Variants in DMGDH observed in about 807,000 individuals in gnomAD.
DMGDH encodes dimethylglycine dehydrogenase, mitochondrial.
Under a neutral mutation model 95.2 loss-of-function variants are expected in DMGDH, and 76 were observed. The observed-to-expected ratio is 0.80, with a 90% CI of 0.66 to 0.97. DMGDH has a LOEUF of 0.97. Ranked by LOEUF, DMGDH falls within the 50% of genes least tolerant of loss-of-function variation. DMGDH has a pLI of 0.00. For synonymous variants in DMGDH, 345 were observed against 377.6 expected (o/e 0.91, Z 1.00); for missense variants, 987 against 1,055.0 (o/e 0.94, Z 0.89).
At chr5:79,034,258 C>G (rs1561218107) in intron 7 of DMGDH, among the ~76,000 whole-genome samples, 1 of 152,124 alleles carries the variant, frequency 6.6e-6, no homozygotes, top group African/African-American at 2.4e-5. Context: ...AACATTCAGG[C>G]AAAGAGGCCC....
At chr5:79,002,475 C>T (rs543212443) in intron 15 of DMGDH, among the ~76,000 whole-genome samples, 2 of 152,142 alleles carry the variant, frequency 1.3e-5, no homozygotes, top group Non-Finnish European at 2.9e-5. Context: ...CACTAAAGAC[C>T]ATCTGACATG....
intron 14 of DMGDH, chr5:79,021,652 CT>C: frequency 7.6e-7 from 1 of 1,316,566 alleles, no homozygotes; most frequent in Non-Finnish European, 1.0e-6. Flanking sequence ...CATTTTCCTC[CT>C]TAAAATGGGC....
At chr5:79,024,204 G>A (rs1753935621) in intron 14 of DMGDH, 67 bp downstream of exon 14, 7 of 1,413,174 alleles carry the variant, frequency 5.0e-6, no homozygotes, top group Non-Finnish European at 7.0e-6. Context: ...TTAAAGAATG[G>A]CTCTGTCACA....
rs1293146924 is a variant in DMGDH, at chr5:79,029,984, A to C, written c.1734T>G (p.Tyr578Ter). 1 of 1,613,990 alleles carries C rather than the reference A, an allele frequency of 6.2e-7. No individual in the cohort carries two copies. Among genetic ancestry groups the C allele is most frequent in the Non-Finnish European group, 8.5e-7 (1 of 1,179,970 alleles). ...SHMLTPKGRV[Y>*]AELTVSHQSP... ...ATTGGTGAGAAACAGTCAGCTCAGC[A>C]TACACTCGACCCTTGGGTGTTAACA... Residue 578 changes from tyrosine (Y) to a stop codon, truncating the protein, a stop_gained, in exon 11 of 16, where the codon TAT (tyrosine) becomes TAG (stop). Coordinates refer to ENST00000255189, the MANE Select transcript of DMGDH (RefSeq NM_013391.3). LOFTEE classifies it high-confidence loss of function.
intron 11 of DMGDH, 152 bp downstream of exon 11, chr5:79,029,752 T>G: frequency 2.4e-6 from 2 of 833,860 alleles, no homozygotes; most frequent in Non-Finnish European, 3.7e-6. Flanking sequence ...CTTCAAATAT[T>G]TTTGTATTAA....
chr5:79,055,891 G>A lies in DMGDH; in HGVS notation c.294C>T (p.Tyr98=). 6.2e-7 allele frequency: 1 copy of A among 1,610,186 alleles called. No homozygotes were observed. Among genetic ancestry groups the A allele is most frequent in the South Asian group, 1.1e-5 (1 of 90,970 alleles). ...TCTTCAAGTTTATTCCAGGATGAAA[G>A]TAAGTTGTTAAACCTGCCTTAAAAG... ...STWHAAGLTT[Y]FHPGINLKKI... Residue 98 remains tyrosine, a synonymous_variant, in exon 3 of 16, where the codon TAC becomes TAT. Coordinates refer to ENST00000255189, the MANE Select transcript of DMGDH (RefSeq NM_013391.3).
intron 14 of DMGDH, chr5:79,021,643 A>G (rs757645261): frequency 1.5e-6 from 2 of 1,318,480 alleles, no homozygotes; most frequent in East Asian, 9.6e-5. Flanking sequence ...TCACCCAGCC[A>G]TTTTCCTCCT....
At chr5:79,011,231 T>A (rs1425413877) in intron 14 of DMGDH, among the ~76,000 whole-genome samples, 1 of 152,202 alleles carries the variant, frequency 6.6e-6, no homozygotes, top group Non-Finnish European at 1.5e-5. Context: ...AGACTTAGAA[T>A]CACAGGAGTC....
At chr5:78,999,020 A>C (rs542908566) in intron 15 of DMGDH, among the ~76,000 whole-genome samples, 3 of 152,240 alleles carry the variant, frequency 2.0e-5, no homozygotes, top group Non-Finnish European at 4.4e-5. Flanking sequence ...AAAACACGAT[A>C]TATAGCCCTG....
At chr5:79,063,847 C>T (rs2112677616) in intron 1 of DMGDH, 60 bp from the exon 2 acceptor site, 1 of 1,552,188 alleles carries the variant, frequency 6.4e-7, no homozygotes, top group African/African-American at 1.4e-5. Context: ...TAGTTCTGGC[C>T]TAAAGCACTT....
At chr5:79,000,934 G>A (rs973094930) in intron 15 of DMGDH, 2 of 673,778 alleles carry the variant, frequency 3.0e-6, no homozygotes, top group Non-Finnish European at 5.4e-6. Flanking sequence ...GCTGTACCTG[G>A]GTCCTCATTT....
intron 7 of DMGDH, among the ~76,000 whole-genome samples, chr5:79,041,648 C>G (rs1267134645): frequency 6.6e-6 from 1 of 152,122 alleles, no homozygotes; most frequent in Admixed American, 6.6e-5. Flanking sequence ...TCTGAAGATA[C>G]ACAGCATAAA....
At chr5:79,043,388 G>A (rs1754568542) in intron 6 of DMGDH, among the ~76,000 whole-genome samples, 1 of 152,214 alleles carries the variant, frequency 6.6e-6, no homozygotes, top group Non-Finnish European at 1.5e-5. Flanking sequence ...TGTGGGATCA[G>A]GAGCAATTCT....
rs763240011 is a variant in DMGDH, at chr5:79,034,666, T to C, written c.1194-1258A>G. ...GCCAGAACCACAGCTTCTAAGAGCA[T>C]GGGAGGAACTTTAGCAAATGCTGAA... On this transcript the variant is annotated intron_variant, in intron 7 of 15. Coordinates refer to ENST00000255189, the MANE Select transcript of DMGDH (RefSeq NM_013391.3). Among the ~76,000 whole-genome samples, 192 of 152,310 alleles carry C rather than the reference T, an allele frequency of 1.3e-3. 4 individuals are homozygous for C. The highest frequency in any genetic ancestry group is 4.1e-4 in the South Asian group (2 of 4,826).
rs982832544 is a variant in DMGDH at position 79,032,938 on chromosome 5, G to A, written c.1364-98C>T. 5.5e-6 allele frequency: 8 copies of A among 1,447,410 alleles called. No individual in the cohort carries two copies. The African/African-American group carries it at 9.8e-5, about 18-fold the overall frequency. 89.7% of individuals were successfully genotyped at this position (1,447,410 alleles called of 1,614,324 possible). A position where few individuals can be genotyped will look rare whatever the true frequency, so the allele number is the denominator to read the frequency against. ...ATGGAAATACAGTACTTAAAATCCA[G>A]ATGCATAAACATACATACATACATA... On this transcript the variant is annotated intron_variant, in intron 8 of 15. Coordinates refer to ENST00000255189, the MANE Select transcript of DMGDH (RefSeq NM_013391.3).
rs549114660 is a variant in DMGDH, at chr5:79,015,366, T to C, written c.2250+8905A>G. Among the ~76,000 whole-genome samples, 10 of 152,326 alleles carry C rather than the reference T, an allele frequency of 6.6e-5. No individual in the cohort carries two copies. The South Asian group carries it at 1.7e-3, about 25-fold the overall frequency. On this transcript the variant is annotated intron_variant, in intron 14 of 15. Transcript: ENST00000255189. Reference sequence around the variant, plus strand: ...GATAATTAGGAGAATGATCTCCCAGTCATCAGACGAACTCACTTTTAATCT... The same window carrying C: ...GATAATTAGGAGAATGATCTCCCAGCCATCAGACGAACTCACTTTTAATCT...
chr5:79,030,715 G>T, intron 10 of DMGDH, 118 bp downstream of exon 10: 1 of 1,007,524 alleles, frequency 9.9e-7, no homozygotes, highest in Non-Finnish European at 1.5e-6. Flanking sequence ...TATACTTTTG[G>T]TCAGTTGAAG....
At chr5:79,063,546 C>T (rs991294777) in intron 2 of DMGDH, 67 bp downstream of exon 2, 84 of 1,596,896 alleles carry the variant, frequency 5.3e-5, no homozygotes, top group South Asian at 8.8e-5. Flanking sequence ...GAGTTGTGAA[C>T]GGGAAGGAAA....
chr5:79,032,771 A>T lies in DMGDH; in HGVS notation c.1433T>A (p.Leu478Gln). 1 of 1,614,224 alleles carries T rather than the reference A, an allele frequency of 6.2e-7. No homozygotes were observed. Among genetic ancestry groups the T allele is most frequent in the Non-Finnish European group, 8.5e-7 (1 of 1,180,038 alleles). ...TQRVSGLYQR[L>Q]ESKCSMGFHA... The stretch of plus-strand genomic sequence containing the variant: ...GAACCCCATGGAACACTTAGACTCC[A>T]GCCTTTGATAGAGCCCACTGACTCG... Residue 478 changes from leucine (L) to glutamine (Q), a missense_variant, in exon 9 of 16, where the codon CTG becomes CAG. By Grantham distance (113) the Leu-to-Gln change is moderately radical (BLOSUM62 -2). Coordinates refer to ENST00000255189, the MANE Select transcript of DMGDH (RefSeq NM_013391.3).
Sources: gnomAD v4.1 joint callset for allele counts (sites outside exome capture counted in the v4.1 genomes callset) on GRCh38, gnomAD v4.1.1 for gene constraint, MANE v1.5 for transcripts, NCBI Gene and HGNC (gene_info 2026-07-23, HGNC 2026-07-21) for gene names.